IMMP2L: variants seen among roughly 807,000 people sequenced by gnomAD.
The protein encoded by IMMP2L is mitochondrial inner membrane protease subunit 2.
In IMMP2L, 18 loss-of-function variants were observed where a neutral mutation model predicts 19.3. The observed-to-expected ratio is 0.93, with a 90% CI of 0.64 to 1.38. The LOEUF is 1.38. Among genes scored for constraint, IMMP2L ranks in the 40% most tolerant of loss-of-function variants. The probability of loss-of-function intolerance (pLI) is 0.00; values close to 1 mark genes in which losing one functional copy is unlikely to be tolerated. For synonymous variants in IMMP2L, 76 were observed against 73.0 expected (o/e 1.04, Z -0.21); for missense variants, 233 against 218.2 (o/e 1.07, Z -0.43).
At chr7:111,326,451 G>C (rs1262241732) in intron 3 of IMMP2L, among the ~76,000 whole-genome samples, 4 of 151,758 alleles carry the variant, frequency 2.6e-5, no homozygotes, top group Non-Finnish European at 5.9e-5. Context: ...GCTGTACAAT[G>C]CCTCAATTCT....
intron 5 of IMMP2L, among the ~76,000 whole-genome samples, chr7:110,695,645 A>G (rs1793827892): frequency 6.6e-6 from 1 of 152,190 alleles, no homozygotes; most frequent in African/African-American, 2.4e-5. Context: ...TAGAGGAGGG[A>G]GCGGCAGTCC....
intron 3 of IMMP2L, among the ~76,000 whole-genome samples, chr7:111,063,309 C>A (rs1419185157): frequency 6.6e-6 from 1 of 152,186 alleles, no homozygotes; most frequent in Non-Finnish European, 1.5e-5. Flanking sequence ...GCTGGAGCAG[C>A]TGGGATGCAG....
chr7:110,992,824 C>T lies in IMMP2L; in HGVS notation c.240-29259G>A, dbSNP rs562557006. On this transcript the variant is annotated intron_variant, in intron 3 of 5. Coordinates refer to ENST00000405709, the MANE Select transcript of IMMP2L (RefSeq NM_032549.4). The stretch of plus-strand genomic sequence containing the variant: ...AATTAATGCTTATTCAAATTGCCAG[C>T]TTCATGGCAAATAAATTCATCTTGT... 2.0e-5 allele frequency among the ~76,000 whole-genome samples: 3 copies of T among 152,188 alleles called. No homozygotes were observed. The South Asian group carries it at 6.2e-4, about 32-fold the overall frequency.
chr7:110,986,111 C>G (rs936990577), intron 3 of IMMP2L, among the ~76,000 whole-genome samples: 5 of 152,158 alleles, frequency 3.3e-5, no homozygotes, highest in Admixed American at 3.3e-4. Context: ...TGTGCGTTGG[C>G]AAATCCAAGT....
intron 3 of IMMP2L, among the ~76,000 whole-genome samples, chr7:111,116,662 T>C (rs1799915606): frequency 1.3e-5 from 2 of 152,146 alleles, no homozygotes; most frequent in African/African-American, 4.8e-5. Flanking sequence ...GTGATTACTC[T>C]CACATAGCAA....
intron 3 of IMMP2L, among the ~76,000 whole-genome samples, chr7:111,030,395 A>T (rs957317320): frequency 1.3e-5 from 2 of 152,190 alleles, no homozygotes; most frequent in Non-Finnish European, 2.9e-5. Context: ...AAAACATATG[A>T]TCTCATAATG....
chr7:111,075,640 T>C (rs758014322), intron 3 of IMMP2L, among the ~76,000 whole-genome samples: 8 of 152,174 alleles, frequency 5.3e-5, no homozygotes, highest in Non-Finnish European at 1.2e-4. Context: ...TCTTTCTCAC[T>C]GTCCTCTGCT....
rs1800938432 is a variant in IMMP2L at position 111,123,740 on chromosome 7, C to A, written c.240-160175G>T. On this transcript the variant is annotated intron_variant, in intron 3 of 5. Coordinates refer to ENST00000405709, the MANE Select transcript of IMMP2L (RefSeq NM_032549.4). The surrounding 1 kb of genome is among the most constrained non-coding windows in gnomAD (Gnocchi z 6.4). ...GAAGCTACTAACAACCCTAGATTGT[C>A]TTACATTCACCCCAATGCATTTTTC... is the stretch of plus-strand genomic sequence containing the variant. 1 of 1,613,848 alleles carries A rather than the reference C, an allele frequency of 6.2e-7. No homozygotes were observed. The highest frequency in any genetic ancestry group is 8.5e-7 in the Non-Finnish European group (1 of 1,179,984).
At position 111,304,594 on chromosome 7, in the gene IMMP2L, TG is replaced by T. The variant is rs1057241702; in HGVS notation, c.239+182643del. Among the ~76,000 whole-genome samples the T allele has an allele frequency of 9.9e-5, 15 of 151,796 alleles. 1 individual carries two copies. The highest frequency in any genetic ancestry group is 3.4e-4 in the African/African-American group (14 of 41,408). The stretch of plus-strand genomic sequence containing the variant: ...ATAGTGTGTATATAAAACACATATA[TG>T]GGTGTATATACATATATAATGTATG... On this transcript the variant is annotated intron_variant, in intron 3 of 5. Coordinates refer to ENST00000405709, the MANE Select transcript of IMMP2L (RefSeq NM_032549.4).
rs1263948338 is a variant in IMMP2L at position 110,757,418 on chromosome 7, G to A, written c.409-93697C>T. Among the ~76,000 whole-genome samples, 4 of 152,010 alleles carry A rather than the reference G, an allele frequency of 2.6e-5. No individual in the cohort carries two copies. The highest frequency in any genetic ancestry group is 7.2e-5 in the African/African-American group (3 of 41,404). ...AATTTTAAATACGGTGGGCGAGGGA[G>A]GCCTGTATGTGATGTCTTTTATTTG... On this transcript the variant is annotated intron_variant, in intron 5 of 5. Transcript: ENST00000405709. This position sits in a 1 kb window ranked among gnomAD's most constrained non-coding sequence, Gnocchi z 4.2.
intron 3 of IMMP2L, among the ~76,000 whole-genome samples, chr7:111,303,285 T>C (rs1009276405): frequency 2.0e-5 from 3 of 152,102 alleles, no homozygotes; most frequent in Non-Finnish European, 2.9e-5. Context: ...TAGTAAGTAT[T>C]AGCAATTTAT....
intron 3 of IMMP2L, among the ~76,000 whole-genome samples, chr7:111,143,358 T>C (rs1260189183): frequency 6.6e-6 from 1 of 152,010 alleles, no homozygotes; most frequent in Non-Finnish European, 1.5e-5. Flanking sequence ...AGGTAAACAC[T>C]CATGACACAA....
At chr7:111,140,642 C>CT (rs1562844246) in intron 3 of IMMP2L, among the ~76,000 whole-genome samples, 1 of 152,120 alleles carries the variant, frequency 6.6e-6, no homozygotes, top group African/African-American at 2.4e-5. Context: ...GGCCAGATGG[C>CT]TTTTTGCAAT....
chr7:110,813,306 T>C (rs1221063211), intron 5 of IMMP2L, among the ~76,000 whole-genome samples: 2 of 152,104 alleles, frequency 1.3e-5, no homozygotes. Flanking sequence ...CTTTTTTTAT[T>C]TGGTCCTTTT....
intron 4 of IMMP2L, among the ~76,000 whole-genome samples, chr7:110,925,329 C>T (rs559421871): frequency 4.2e-4 from 64 of 152,184 alleles, no homozygotes; most frequent in African/African-American, 1.5e-3. Context: ...TAAAGCATGT[C>T]GGAGGAGGCA....
At chr7:111,436,613 A>C (rs1011504301) in intron 3 of IMMP2L, among the ~76,000 whole-genome samples, 1 of 151,846 alleles carries the variant, frequency 6.6e-6, no homozygotes, top group East Asian at 1.9e-4. Flanking sequence ...TAACCCAAAA[A>C]TTTTTAAGCC....
In IMMP2L at chr7:111,462,033, T is replaced by C. The variant is rs149938280; in HGVS notation, c.239+25205A>G. On this transcript the variant is annotated intron_variant, in intron 3 of 5. Transcript: ENST00000405709. ...AAAAAACCTGGATGTGTATGTACTA[T>C]AGTATCTTCTTGGGGAGTTGATAAG... is the stretch of plus-strand genomic sequence containing the variant. Among the ~76,000 whole-genome samples, 150 of 151,908 alleles carry C rather than the reference T, an allele frequency of 9.9e-4. 2 individuals are homozygous for C. The East Asian group carries it at 0.025, about 26-fold the overall frequency.
At chr7:110,686,847 A>T (rs1793151444) in intron 5 of IMMP2L, among the ~76,000 whole-genome samples, 1 of 152,044 alleles carries the variant, frequency 6.6e-6, no homozygotes, top group Admixed American at 6.6e-5. Context: ...CACTGGTACC[A>T]GATTAATTTT....
At chr7:110,706,162 G>T (rs1794666429) in intron 5 of IMMP2L, among the ~76,000 whole-genome samples, 1 of 152,126 alleles carries the variant, frequency 6.6e-6, no homozygotes, top group Non-Finnish European at 1.5e-5. Flanking sequence ...GAGTGCAGTG[G>T]TGCAATCCTG....
Sources: gnomAD v4.1 joint callset for allele counts (sites outside exome capture counted in the v4.1 genomes callset) on GRCh38, gnomAD v4.1.1 for gene constraint, Gnocchi (gnomAD v3.1) non-coding constraint, MANE v1.5 for transcripts, NCBI Gene and HGNC (gene_info 2026-07-23, HGNC 2026-07-21) for gene names.